The following ATP11B variants were observed in gnomAD, a reference collection of about 807,000 sequenced individuals.
ATP11B encodes the protein phospholipid-transporting ATPase IF.
In ATP11B, 81 loss-of-function variants were observed where a neutral mutation model predicts 157.8. The ratio of observed to expected loss-of-function variants is 0.51; its 90% CI spans 0.43 to 0.62. ATP11B has a LOEUF of 0.62. ATP11B is among the 20% of genes least tolerant of loss of function. The pLI is 0.00. For synonymous variants in ATP11B, 451 were observed against 469.4 expected, an observed-to-expected ratio of 0.96 and a Z score of 0.51; for missense variants, 1,165 against 1,402.2, an observed-to-expected ratio of 0.83 and a Z score of 2.70.
chr3:182,903,379 T>C (rs2108585897), intron 28 of ATP11B, among the ~76,000 whole-genome samples: 1 of 152,280 alleles, frequency 6.6e-6, no homozygotes, highest in South Asian at 2.1e-4. Context: ...CTATGTTCAT[T>C]TGAATTTTAA....
intron 28 of ATP11B, among the ~76,000 whole-genome samples, chr3:182,908,191 A>ATTTTTTT (rs1724508207): frequency 1.0e-5 from 1 of 95,932 alleles, no homozygotes. Flanking sequence ...TCATATTATT[A>ATTTTTTT]TTTTCTTTTT....
rs529849597 is a variant in ATP11B at position 182,887,683 on chromosome 3, A to T, written c.2813A>T (p.His938Leu). The change falls in exon 24 of 30, where the codon CAT becomes CTT. Residue 938 changes from histidine (H) to leucine (L), a missense_variant. Physicochemically the swap from His to Leu is moderately conservative, Grantham distance 99. This residue lies in a region of ATP11B where 303 missense variants were observed against 296.3 expected (regional missense o/e 1.02). Transcript: ENST00000323116. Reference protein sequence around the residue: ...YSLLEQHVDPHVLQNKPTLYR... With the variant: ...YSLLEQHVDPLVLQNKPTLYR... ...CTTTTGGAACAGCATGTAGACCCTC[A>T]TGTGTTACAAAATAAGCCCACCCTT... 13 of 1,611,600 alleles carry T rather than the reference A, an allele frequency of 8.1e-6. No homozygotes were observed. Among genetic ancestry groups the T allele is most frequent in the Middle Eastern group, 1.6e-4 (1 of 6,076 alleles).
intron 28 of ATP11B, among the ~76,000 whole-genome samples, chr3:182,909,176 A>G (rs919335365): frequency 6.6e-6 from 1 of 152,238 alleles, no homozygotes; most frequent in Admixed American, 6.5e-5. Flanking sequence ...GCAATAAGAA[A>G]TGTCTTAGTG....
At chr3:182,818,532 C>CAA in intron 1 of ATP11B, among the ~76,000 whole-genome samples, 2 of 152,112 alleles carry the variant, frequency 1.3e-5, no homozygotes, top group African/African-American at 4.8e-5. Flanking sequence ...ATAGTCTGAA[C>CAA]AAATAAACAT....
Position 182,793,740 on chromosome 3 carries a change from C to G in ATP11B, c.-20C>G, listed in dbSNP as rs2108474555. On this transcript the variant is annotated 5_prime_UTR_variant, in exon 1 of 30. Coordinates refer to ENST00000323116, the MANE Select transcript of ATP11B (RefSeq NM_014616.3). ...CGCGGCCCCCGCGCCCCGCGGGACC[C>G]GGACGGCGACGACGGGGGAATGTGG... 1 of 1,406,724 alleles carries G rather than the reference C, an allele frequency of 7.1e-7. No homozygotes were observed. The highest frequency in any genetic ancestry group is 2.3e-4 in the Middle Eastern group (1 of 4,314). 87.1% of individuals were successfully genotyped at this position (1,406,724 alleles called of 1,614,324 possible). A position where few individuals can be genotyped will look rare whatever the true frequency, so the allele number is the denominator to read the frequency against.
intron 25 of ATP11B, among the ~76,000 whole-genome samples, chr3:182,894,417 C>T (rs1182246521): frequency 6.6e-6 from 1 of 152,100 alleles, no homozygotes; most frequent in Non-Finnish European, 1.5e-5. Flanking sequence ...AACTCCCAAC[C>T]TCAGGTGATC....
At chr3:182,830,338 A>T (rs78979209) in intron 4 of ATP11B, among the ~76,000 whole-genome samples, 1 of 151,926 alleles carries the variant, frequency 6.6e-6, no homozygotes, top group African/African-American at 2.4e-5. Flanking sequence ...AAAAAAAAAA[A>T]ATGTATAGTC....
At chr3:182,796,652 G>A (rs1288233639) in intron 1 of ATP11B, among the ~76,000 whole-genome samples, 1 of 152,166 alleles carries the variant, frequency 6.6e-6, no homozygotes, top group Non-Finnish European at 1.5e-5. Context: ...CACTTGCTGT[G>A]TGCTGGTATT....
intron 10 of ATP11B, among the ~76,000 whole-genome samples, chr3:182,852,637 T>C (rs1490221085): frequency 2.0e-5 from 3 of 152,232 alleles, no homozygotes; most frequent in Non-Finnish European, 2.9e-5. Context: ...CACATGGTGC[T>C]AGAACAGGTG....
intron 14 of ATP11B, 96 bp downstream of exon 14, chr3:182,866,539 G>T: frequency 9.7e-7 from 1 of 1,035,034 alleles, no homozygotes; most frequent in East Asian, 3.0e-5. Context: ...ACATAAATTC[G>T]TCATTTTAAG....
At chr3:182,842,280 G>GT (rs1225672442) in intron 8 of ATP11B, among the ~76,000 whole-genome samples, 158 bp downstream of exon 8, 4 of 152,114 alleles carry the variant, frequency 2.6e-5, no homozygotes, top group Non-Finnish European at 4.4e-5. Context: ...ACATTTAGTG[G>GT]TTTATTATAT....
intron 7 of ATP11B, among the ~76,000 whole-genome samples, chr3:182,837,692 CAG>C (rs1324637706): frequency 2.6e-5 from 4 of 151,870 alleles, no homozygotes; most frequent in East Asian, 3.8e-4. Context: ...TTCTCAAAGA[CAG>C]AAACTATTAT....
Position 182,889,445 on chromosome 3 carries a change from C to T in ATP11B, c.2879C>T (p.Thr960Ile), listed in dbSNP as rs755618347. ...ISKNRLLSIK[T>I]FLYWTILGFS... Reference sequence around the variant, plus strand: ...AAAAACCGCCTCTTAAGTATTAAAACATTTCTTTATTGGACCATCCTGGGC... The same window carrying T: ...AAAAACCGCCTCTTAAGTATTAAAATATTTCTTTATTGGACCATCCTGGGC... Residue 960 changes from threonine (T) to isoleucine (I), a missense_variant, in exon 25 of 30, where the codon ACA becomes ATA. Thr to Ile is a moderately conservative substitution (Grantham distance 89, BLOSUM62 -1). Around this residue, in one of 4 missense-constraint regions of ATP11B, gnomAD observed 303 missense variants for 296.3 expected, o/e 1.02. Transcript: ENST00000323116. 16 of 1,576,652 alleles carry T rather than the reference C, an allele frequency of 1.0e-5. No individual in the cohort carries two copies. The African/African-American group carries it at 1.8e-4, about 18-fold the overall frequency.
chr3:182,813,471 GA>G (rs1450450715), intron 1 of ATP11B, among the ~76,000 whole-genome samples: 1 of 152,072 alleles, frequency 6.6e-6, no homozygotes, highest in Non-Finnish European at 1.5e-5. Context: ...TTGTGGTTTT[GA>G]TTTGTATTCC....
chr3:182,915,718 A>G (rs916439861), intron 29 of ATP11B: 1 of 984,974 alleles, frequency 1.0e-6, no homozygotes, highest in Admixed American at 6.2e-5. Context: ...TGCCCCCATT[A>G]TTCTTTACAT....
intron 19 of ATP11B, among the ~76,000 whole-genome samples, chr3:182,879,098 C>T (rs1231877016): frequency 1.3e-5 from 2 of 152,054 alleles, no homozygotes; most frequent in East Asian, 3.9e-4. Flanking sequence ...CATAGTGAAA[C>T]CCCATCTCTA....
At chr3:182,821,899 T>C (rs1395459218) in intron 2 of ATP11B, among the ~76,000 whole-genome samples, 4 of 152,222 alleles carry the variant, frequency 2.6e-5, no homozygotes, top group Non-Finnish European at 4.4e-5. Flanking sequence ...TAACATCTTT[T>C]CTCTAATCCT....
chr3:182,795,175 C>G (rs945667734), intron 1 of ATP11B, among the ~76,000 whole-genome samples: 19 of 147,902 alleles, frequency 1.3e-4, no homozygotes, highest in Non-Finnish European at 2.2e-4. Flanking sequence ...CATTATAATA[C>G]CATCTTGTAA....
At position 182,906,789 on chromosome 3, in the gene ATP11B, A is replaced by G. The variant is rs77722762; in HGVS notation, c.3319-7072A>G. Among the ~76,000 whole-genome samples the G allele has an allele frequency of 3.3e-3, 364 of 110,976 alleles. 3 individuals are homozygous for G. Among genetic ancestry groups the G allele is most frequent in the Middle Eastern group, 0.02 (4 of 202 alleles). The allele number at this position is 110,976 out of a possible 152,430, so 72.8% of individuals were successfully genotyped here. A position where few individuals can be genotyped will look rare whatever the true frequency, so the allele number is the denominator to read the frequency against. Reference sequence around the variant, plus strand: ...GTTGTATCTGTTTTAAAAAAAAAAAAAAGAAGAAGAAGAAGAAGGCCGGGC... The same window carrying G: ...GTTGTATCTGTTTTAAAAAAAAAAAGAAGAAGAAGAAGAAGAAGGCCGGGC... On this transcript the variant is annotated intron_variant, in intron 28 of 29. Transcript: ENST00000323116.
Sources: allele counts gnomAD v4.1 joint callset (sites outside exome capture counted in the v4.1 genomes callset), GRCh38; gene constraint gnomAD v4.1.1; regional missense constraint gnomAD v4.1.1; transcripts MANE v1.5; gene names NCBI Gene and HGNC (gene_info 2026-07-23, HGNC 2026-07-21).